Variants in LSAMP observed in about 807,000 individuals in gnomAD.
LSAMP encodes the protein limbic system-associated membrane protein.
Under a neutral mutation model 38.6 loss-of-function variants are expected in LSAMP, and 7 were observed. The ratio of observed to expected loss-of-function variants is 0.18; its 90% CI spans 0.10 to 0.34. The LOEUF (loss-of-function observed/expected upper bound fraction) is 0.34, where lower values mean the gene tolerates loss of function less well. Among genes scored for constraint, LSAMP ranks in the 10% least tolerant of loss-of-function variants. The pLI is 1.00. For synonymous variants in LSAMP, 154 were observed against 166.8 expected (o/e 0.92, Z 0.59); for missense variants, 313 against 420.0 (o/e 0.75, Z 2.23).
intron 1 of LSAMP, among the ~76,000 whole-genome samples, chr3:116,210,335 C>T (rs969116598): frequency 1.3e-5 from 2 of 152,120 alleles, no homozygotes; most frequent in African/African-American, 4.8e-5. Flanking sequence ...TGAGTGGGCA[C>T]CATCTAATCA....
At chr3:115,891,796 T>C (rs1412137807) in intron 3 of LSAMP, among the ~76,000 whole-genome samples, 1 of 152,078 alleles carries the variant, frequency 6.6e-6, no homozygotes, top group African/African-American at 2.4e-5. Flanking sequence ...CCTCTTCTCT[T>C]CCATCACACT....
chr3:116,440,773 C>T (rs2107889401), intron 1 of LSAMP, among the ~76,000 whole-genome samples: 1 of 152,238 alleles, frequency 6.6e-6, no homozygotes, highest in African/African-American at 2.4e-5. Flanking sequence ...CAGGGCTAAC[C>T]AACAAATTTT....
intron 1 of LSAMP, among the ~76,000 whole-genome samples, chr3:116,278,301 G>A (rs1340236493): frequency 6.6e-6 from 1 of 151,516 alleles, no homozygotes; most frequent in Admixed American, 6.6e-5. Context: ...TCAATAATTC[G>A]GCTCCTAGAT....
chr3:116,104,837 T>G (rs954822771), intron 1 of LSAMP, among the ~76,000 whole-genome samples: 2 of 152,180 alleles, frequency 1.3e-5, no homozygotes, highest in Admixed American at 6.5e-5. Context: ...CTTACAGACA[T>G]TCCTTCTCTG....
chr3:116,380,976 C>A (rs942701106), intron 1 of LSAMP, among the ~76,000 whole-genome samples: 1 of 151,942 alleles, frequency 6.6e-6, no homozygotes, highest in Non-Finnish European at 1.5e-5. Context: ...ATATTCCTTA[C>A]AGGTATATAA....
intron 2 of LSAMP, among the ~76,000 whole-genome samples, chr3:116,043,043 G>A (rs533559817): frequency 2.6e-4 from 39 of 152,192 alleles, no homozygotes; most frequent in African/African-American, 9.2e-4. Context: ...ATTTGTTGTG[G>A]GAGTTTTTAC....
intron 1 of LSAMP, among the ~76,000 whole-genome samples, chr3:116,103,951 T>C (rs1708406838): frequency 6.6e-6 from 1 of 152,220 alleles, no homozygotes; most frequent in Non-Finnish European, 1.5e-5. Flanking sequence ...CAGAATACTG[T>C]GACAGAGGGT....
At chr3:115,939,564 C>CTTTCT (rs760524971) in intron 3 of LSAMP, among the ~76,000 whole-genome samples, 1 of 104,038 alleles carries the variant, frequency 9.6e-6, no homozygotes, top group Non-Finnish European at 2.2e-5. Context: ...TTCTTTCTTT[C>CTTTCT]TTTCTTTCTT....
intron 1 of LSAMP, among the ~76,000 whole-genome samples, chr3:116,267,945 A>T (rs1024251477): frequency 1.3e-5 from 2 of 152,128 alleles, no homozygotes; most frequent in African/African-American, 4.8e-5. Flanking sequence ...TAATGACTGG[A>T]GCACCAAACT....
intron 1 of LSAMP, among the ~76,000 whole-genome samples, chr3:116,119,851 G>A (rs1397245504): frequency 2.0e-5 from 3 of 151,888 alleles, no homozygotes; most frequent in African/African-American, 4.8e-5. Flanking sequence ...AGTAGAGATG[G>A]GGTTTCAGCA....
chr3:115,917,200 G>A (rs1220253542), intron 3 of LSAMP, among the ~76,000 whole-genome samples: 2 of 152,158 alleles, frequency 1.3e-5, no homozygotes, highest in East Asian at 3.8e-4. Flanking sequence ...TTAAGGTGAG[G>A]GTTGAACTAG....
chr3:116,387,716 T>C (rs1481552675), intron 1 of LSAMP, among the ~76,000 whole-genome samples: 1 of 152,022 alleles, frequency 6.6e-6, no homozygotes, highest in Non-Finnish European at 1.5e-5. Flanking sequence ...AAAAATAATA[T>C]AGAAACTGAA....
intron 1 of LSAMP, among the ~76,000 whole-genome samples, chr3:116,427,648 T>C (rs2049221395): frequency 6.6e-6 from 1 of 152,142 alleles, no homozygotes; most frequent in Non-Finnish European, 1.5e-5. Flanking sequence ...TACAAAACGA[T>C]AAATTAAAAA....
At chr3:115,896,057 G>A (rs1047456945) in intron 3 of LSAMP, among the ~76,000 whole-genome samples, 3 of 152,056 alleles carry the variant, frequency 2.0e-5, no homozygotes, top group African/African-American at 7.2e-5. Context: ...ATGCTTGTGT[G>A]AGCTTTAAGT....
At chr3:116,068,037 C>A (rs1707503712) in intron 2 of LSAMP, among the ~76,000 whole-genome samples, 2 of 151,962 alleles carry the variant, frequency 1.3e-5, no homozygotes, top group South Asian at 4.1e-4. Context: ...ACCTAAGGTA[C>A]CCCAAAGTCT....
At chr3:116,160,912 C>T (rs1031624102) in intron 1 of LSAMP, among the ~76,000 whole-genome samples, 2 of 152,156 alleles carry the variant, frequency 1.3e-5, no homozygotes, top group Non-Finnish European at 2.9e-5. Flanking sequence ...ATTCTACACA[C>T]TGCATTTAGA....
chr3:116,026,411 T>C (rs1314295359), intron 2 of LSAMP, among the ~76,000 whole-genome samples: 1 of 152,194 alleles, frequency 6.6e-6, no homozygotes, highest in Non-Finnish European at 1.5e-5. Context: ...GTTTCTTATA[T>C]ATGCCAAAAA....
intron 1 of LSAMP, among the ~76,000 whole-genome samples, chr3:116,269,992 A>T (rs2046948562): frequency 6.6e-6 from 1 of 152,182 alleles, no homozygotes; most frequent in Non-Finnish European, 1.5e-5. Flanking sequence ...AGATTCTTCA[A>T]GCTAAACCAT....
At chr3:116,266,603 T>G (rs1308996185) in intron 1 of LSAMP, among the ~76,000 whole-genome samples, 4 of 152,130 alleles carry the variant, frequency 2.6e-5, no homozygotes, top group African/African-American at 9.7e-5. Flanking sequence ...AGGAGAACTA[T>G]TGATCAGCTA....
Sources: gnomAD v4.1 joint callset for allele counts (sites outside exome capture counted in the v4.1 genomes callset) on GRCh38, gnomAD v4.1.1 for gene constraint, MANE v1.5 for transcripts, NCBI Gene and HGNC (gene_info 2026-07-23, HGNC 2026-07-21) for gene names.